DUSP10: variants seen among roughly 807,000 people sequenced by gnomAD.
DUSP10 encodes the protein dual specificity phosphatase 10, also known as dual specificity protein phosphatase 10.
In DUSP10, 14 loss-of-function variants were observed where a neutral mutation model predicts 30.8. The ratio of observed to expected loss-of-function variants is 0.46; its 90% confidence interval spans 0.30 to 0.71. The LOEUF is 0.71. Among genes scored for constraint, DUSP10 ranks in the 30% least tolerant of loss-of-function variants. The pLI is 0.08. For synonymous variants in DUSP10, 254 were observed against 250.4 expected (o/e 1.01, Z -0.14); for missense variants, 550 against 619.4 (o/e 0.89, Z 1.19).
rs553660365 is a variant in DUSP10 at position 221,735,201 on chromosome 1, G to T, written c.811+3733C>A. On this transcript the variant is annotated intron_variant, in intron 2 of 3. Transcript: ENST00000366899. Reference sequence around the variant, plus strand: ...CCCCAGTAAAGGCCTTTGGTACAGAGCAGTCCTATAAAGATTGTAGCAGTT... The same window carrying T: ...CCCCAGTAAAGGCCTTTGGTACAGATCAGTCCTATAAAGATTGTAGCAGTT... 3.9e-5 allele frequency among the ~76,000 whole-genome samples: 6 copies of T among 152,294 alleles called. No homozygotes were observed. The South Asian group carries it at 6.2e-4, about 16-fold the overall frequency.
chr1:221,702,533 G>A lies in DUSP10; in HGVS notation c.1328C>T (p.Pro443Leu). The A allele has an allele frequency of 6.2e-7, 1 of 1,614,132 alleles. No homozygotes were observed. Among genetic ancestry groups the A allele is most frequent in the African/African-American group, 1.3e-5 (1 of 75,014 alleles). ...GAAGTTAAGGTTTGGGGAGATAATT[G>A]GTCGTTTGCCTTTGACAAATTTATA... ...DAYKFVKGKR[P>L]IISPNLNFMG... Residue 443 changes from proline (P) to leucine (L), a missense_variant, in exon 4 of 4, where the codon CCA (proline) becomes CTA (leucine). Transcript: ENST00000366899. This position sits in a 1 kb window ranked among gnomAD's most constrained non-coding sequence, Gnocchi z 4.5.
chr1:221,719,337 C>T (rs1661211671), intron 2 of DUSP10, among the ~76,000 whole-genome samples: 1 of 152,130 alleles, frequency 6.6e-6, no homozygotes, highest in Middle Eastern at 3.2e-3. Flanking sequence ...AAAGAAAAGG[C>T]ATGGGCTTTC....
Position 221,706,375 on chromosome 1 carries a change from G to C in DUSP10, c.903C>G (p.Ser301=). Residue 301 remains serine, a synonymous_variant, in exon 3 of 4, where the codon TCC becomes TCG. Transcript: ENST00000366899. This position sits in a 1 kb window ranked among gnomAD's most constrained non-coding sequence, Gnocchi z 4.6. ...QECREVGGGA[S]AASSLLPQPI... The stretch of plus-strand genomic sequence containing the variant: ...GCTGAGGTAGCAAGCTCGAGGCCGC[G>C]GATGCGCCGCCCCCCACCTCCCGGC... 6.3e-7 allele frequency: 1 copy of C among 1,591,572 alleles called. No homozygotes were observed. Among genetic ancestry groups the C allele is most frequent in the Non-Finnish European group, 8.6e-7 (1 of 1,166,024 alleles).
At chr1:221,716,911 T>A (rs1055501814) in intron 2 of DUSP10, among the ~76,000 whole-genome samples, 1 of 152,234 alleles carries the variant, frequency 6.6e-6, no homozygotes, top group African/African-American at 2.4e-5. Context: ...TTCACTGTTA[T>A]AATCTCTTGT....
chr1:221,706,549 C>T lies in DUSP10; in HGVS notation c.812-83G>A. The T allele has an allele frequency of 9.8e-7, 1 of 1,016,546 alleles. No individual in the cohort carries two copies. The highest frequency in any genetic ancestry group is 1.4e-6 in the Non-Finnish European group (1 of 734,364). The allele number at this position is 1,016,546 out of a possible 1,614,324, so 63.0% of individuals were successfully genotyped here. A position where few individuals can be genotyped will look rare whatever the true frequency, so the allele number is the denominator to read the frequency against. On this transcript the variant is annotated intron_variant, in intron 2 of 3. Coordinates refer to ENST00000366899, the MANE Select transcript of DUSP10 (RefSeq NM_007207.6). This position sits in a 1 kb window ranked among gnomAD's most constrained non-coding sequence, Gnocchi z 4.6. ...CCACCTCCCCATTAGAATGAGTTTG[C>T]ATTGTAGCTCATGCATATTTTAAAT...
At chr1:221,741,852 G>GTC (rs1315835835) in intron 1 of DUSP10, 129 bp downstream of exon 1, 4 of 152,292 alleles carry the variant, frequency 2.6e-5, no homozygotes, top group Admixed American at 2.0e-4. Flanking sequence ...TTCTGTCTCT[G>GTC]TCTCTCTCTC....
chr1:221,707,784 T>C (rs1030890369), intron 2 of DUSP10, among the ~76,000 whole-genome samples: 2 of 152,136 alleles, frequency 1.3e-5, no homozygotes, highest in Non-Finnish European at 2.9e-5. Context: ...GATGTGAAAA[T>C]AAATAAAACA....
At chr1:221,723,998 G>C (rs566930553) in intron 2 of DUSP10, among the ~76,000 whole-genome samples, 1 of 152,138 alleles carries the variant, frequency 6.6e-6, no homozygotes, top group Non-Finnish European at 1.5e-5. Flanking sequence ...CTGAGTCATC[G>C]CATTAACATA....
At position 221,702,972 on chromosome 1, in the gene DUSP10, C is replaced by T. The variant is rs575269503; in HGVS notation, c.1184-295G>A. On this transcript the variant is annotated intron_variant, in intron 3 of 3. Transcript: ENST00000366899. This position sits in a 1 kb window ranked among gnomAD's most constrained non-coding sequence, Gnocchi z 4.5. ...TTGCTGCACAGGTGACAGCAGTGGC[C>T]GGAAGCCAGACCTATAACACAGTTA... 2.0e-5 allele frequency among the ~76,000 whole-genome samples: 3 copies of T among 152,130 alleles called. No individual in the cohort carries two copies. Among genetic ancestry groups the T allele is most frequent in the East Asian group, 3.9e-4 (2 of 5,178 alleles).
At position 221,739,388 on chromosome 1, in the gene DUSP10, G is replaced by T; in HGVS notation, c.357C>A (p.Asn119Lys). The T allele has an allele frequency of 1.2e-6, 2 of 1,614,138 alleles. No individual in the cohort carries two copies. The highest frequency in any genetic ancestry group is 1.7e-6 in the Non-Finnish European group (2 of 1,180,014). ...TTAGAGAGCCTGTATTCTCATTATTGTTGACCATCTGGTTAGCAGGGCAGG... is the reference window on the plus strand; with the variant it reads ...TTAGAGAGCCTGTATTCTCATTATTTTTGACCATCTGGTTAGCAGGGCAGG... ...STTCPANQMV[N>K]NNENTGSLSP... is the part of the protein sequence containing the mutation. Residue 119 changes from asparagine to lysine, a missense_variant, in exon 2 of 4, where the codon AAC becomes AAA. Transcript: ENST00000366899.
chr1:221,735,177 C>T (rs1661728279), intron 2 of DUSP10, among the ~76,000 whole-genome samples: 2 of 152,194 alleles, frequency 1.3e-5, no homozygotes, highest in Non-Finnish European at 2.9e-5. Flanking sequence ...CTCACATTCC[C>T]CCAGTAAAGG....
At chr1:221,708,809 T>C (rs1660845791) in intron 2 of DUSP10, among the ~76,000 whole-genome samples, 1 of 152,152 alleles carries the variant, frequency 6.6e-6, no homozygotes, top group Non-Finnish European at 1.5e-5. Flanking sequence ...AAAACCCAAA[T>C]TCCACACAGA....
At chr1:221,734,893 G>T (rs1452504304) in intron 2 of DUSP10, among the ~76,000 whole-genome samples, 1 of 152,106 alleles carries the variant, frequency 6.6e-6, no homozygotes, top group African/African-American at 2.4e-5. Context: ...GAAAAGGGGA[G>T]ACTTTTATTC....
At chr1:221,737,347 T>C in intron 2 of DUSP10, 1 of 985,388 alleles carries the variant, frequency 1.0e-6, no homozygotes, top group Non-Finnish European at 1.2e-6. Flanking sequence ...CTATTACAAA[T>C]GGGAAATTCC....
Position 221,736,230 on chromosome 1 carries a change from G to A in DUSP10, c.811+2704C>T, listed in dbSNP as rs570926625. The stretch of plus-strand genomic sequence containing the variant: ...TATGGCATGGAGACAGGGGGACAAG[G>A]ATCTTGGACAGGGAGGGTAGCAACC... On this transcript the variant is annotated intron_variant, in intron 2 of 3. Transcript: ENST00000366899. 2.0e-5 allele frequency among the ~76,000 whole-genome samples: 3 copies of A among 152,254 alleles called. No homozygotes were observed. The South Asian group carries it at 6.2e-4, about 32-fold the overall frequency.
intron 2 of DUSP10, among the ~76,000 whole-genome samples, chr1:221,728,588 T>A (rs576298718): frequency 9.9e-4 from 151 of 152,338 alleles, no homozygotes; most frequent in Non-Finnish European, 1.7e-3. Context: ...TGTTCACTTA[T>A]CCCTGATAAC....
At chr1:221,709,955 T>C (rs1571810232) in intron 2 of DUSP10, among the ~76,000 whole-genome samples, 1 of 152,154 alleles carries the variant, frequency 6.6e-6, no homozygotes, top group African/African-American at 2.4e-5. Context: ...AGGAGCAGTG[T>C]AGCATGGAGG....
In DUSP10 at chr1:221,706,344, G is replaced by GT. The variant is rs1660759892; in HGVS notation, c.933_934insA (p.Pro312ThrfsTer5). The GT allele has an allele frequency of 6.2e-7, 1 of 1,610,868 alleles. No individual in the cohort carries two copies. Among genetic ancestry groups the GT allele is most frequent in the Non-Finnish European group, 8.5e-7 (1 of 1,177,504 alleles). ...GCGTTCTCGATGTCAGGGGTGGTGG[G>GT]GATGGGCTGAGGTAGCAAGCTCGAG... On this transcript the variant is annotated frameshift_variant, in exon 3 of 4. Coordinates refer to ENST00000366899, the MANE Select transcript of DUSP10 (RefSeq NM_007207.6). LOFTEE classifies it high-confidence loss of function. This position sits in a 1 kb window ranked among gnomAD's most constrained non-coding sequence, Gnocchi z 4.6.
chr1:221,738,544 C>T (rs1179701221), intron 2 of DUSP10, among the ~76,000 whole-genome samples: 1 of 152,236 alleles, frequency 6.6e-6, no homozygotes, highest in African/African-American at 2.4e-5. Flanking sequence ...GTTCCATCAA[C>T]ATTGGTTAAG....
Sources: gnomAD v4.1 joint callset for allele counts (sites outside exome capture counted in the v4.1 genomes callset) on GRCh38, gnomAD v4.1.1 for gene constraint, Gnocchi (gnomAD v3.1) non-coding constraint, MANE v1.5 for transcripts, NCBI Gene and HGNC (gene_info 2026-07-23, HGNC 2026-07-21) for gene names.